CLIP1: variants seen among roughly 807,000 people sequenced by gnomAD.
CLIP1 encodes CAP-Gly domain containing linker protein 1, also known as CAP-Gly domain-containing linker protein 1.
A neutral mutation model predicts 161.6 loss-of-function variants in CLIP1; 66 were observed. The ratio of observed to expected loss-of-function variants is 0.41; its 90% CI spans 0.33 to 0.50. The LOEUF (loss-of-function observed/expected upper bound fraction) is 0.50. CLIP1 is among the 20% of genes least tolerant of loss of function. The probability of loss-of-function intolerance (pLI) is 0.27; values close to 1 mark genes in which losing one functional copy is unlikely to be tolerated. For synonymous variants in CLIP1, 598 were observed against 626.2 expected, an observed-to-expected ratio of 0.96 and a Z score of 0.67; for missense variants, 1,376 against 1,702.0, an observed-to-expected ratio of 0.81 and a Z score of 3.37.
At chr12:122,280,818 G>A (rs1955616576) in intron 21 of CLIP1, 1 of 152,266 alleles carries the variant, frequency 6.6e-6, no homozygotes, top group Admixed American at 6.5e-5. Context: ...AAGTTTCCTA[G>A]GCTAGGCCAC....
At chr12:122,405,756 A>G (rs535333274) in intron 1 of CLIP1, among the ~76,000 whole-genome samples, 12 of 145,366 alleles carry the variant, frequency 8.3e-5, no homozygotes, top group Admixed American at 2.8e-4. Flanking sequence ...CCACCACACT[A>G]TCTCAAAAAA....
chr12:122,393,242 C>T (rs1486468983), intron 1 of CLIP1, among the ~76,000 whole-genome samples: 1 of 151,458 alleles, frequency 6.6e-6, no homozygotes, highest in Admixed American at 6.6e-5. Flanking sequence ...CTTACTGCAA[C>T]CTCTGCCTCC....
At chr12:122,408,767 C>T (rs776324435) in intron 1 of CLIP1, among the ~76,000 whole-genome samples, 1 of 151,986 alleles carries the variant, frequency 6.6e-6, no homozygotes, top group Non-Finnish European at 1.5e-5. Flanking sequence ...TGTGCCCGGC[C>T]TATAACCACG....
chr12:122,338,121 T>C (rs1327000908), intron 11 of CLIP1, among the ~76,000 whole-genome samples: 1 of 149,496 alleles, frequency 6.7e-6, no homozygotes, highest in Admixed American at 6.7e-5. Context: ...AGATCTCAGC[T>C]GAGGTCAGGA....
At chr12:122,387,584 ATATATATTTTTTTT>A (rs1955374061) in intron 1 of CLIP1, among the ~76,000 whole-genome samples, 1 of 3,266 alleles carries the variant, frequency 3.1e-4, no homozygotes, top group East Asian at 0.013. Flanking sequence ...ATATATATAT[ATATATATTTTTTTT>A]TTTTTTTTTT....
At position 122,396,269 on chromosome 12, in the gene CLIP1, A is replaced by C. The variant is rs562205666; in HGVS notation, c.-106-15711T>G. On this transcript the variant is annotated intron_variant, in intron 1 of 25. Coordinates refer to ENST00000620786, the MANE Select transcript of CLIP1 (RefSeq NM_001247997.2). The stretch of plus-strand genomic sequence containing the variant: ...GGAGAAGTGGAGATTAAGATGTCTA[A>C]GTCATTTTGAAAATGCCAGAAGAAT... 4.6e-5 allele frequency among the ~76,000 whole-genome samples: 7 copies of C among 152,308 alleles called. No individual in the cohort carries two copies. The South Asian group carries it at 1.5e-3, about 32-fold the overall frequency.
chr12:122,298,154 A>C (rs1950545593), intron 20 of CLIP1, among the ~76,000 whole-genome samples: 1 of 152,140 alleles, frequency 6.6e-6, no homozygotes, highest in African/African-American at 2.4e-5. Context: ...TTCGGTAAGT[A>C]TCATCACACT....
intron 15 of CLIP1, among the ~76,000 whole-genome samples, chr12:122,329,207 A>G (rs1273504192): frequency 1.3e-5 from 2 of 152,126 alleles, no homozygotes; most frequent in African/African-American, 2.4e-5. Flanking sequence ...CATGCCTACA[A>G]TCCCAGCTAC....
intron 19 of CLIP1, among the ~76,000 whole-genome samples, chr12:122,315,790 G>A (rs61096099): frequency 0.1 from 15,434 of 151,424 alleles, 2,576 homozygotes; most frequent in African/African-American, 0.35. Flanking sequence ...ACAGGCGTCC[G>A]CCACCACGCC....
At position 122,273,010 on chromosome 12, in the gene CLIP1, A is replaced by G. The variant is rs763392755; in HGVS notation, c.4182T>C (p.Pro1394=). The change falls in exon 26 of 26, where the codon CCT becomes CCC. Residue 1394 remains proline, a synonymous_variant. Transcript: ENST00000620786. ...CFDLHDTEDC[P]TQAQMSEDPP... ...GGTCCTCTGACATCTGTGCCTGGGT[A>G]GGACAATCCTCTGTGTCGTGGAGAT... The G allele has an allele frequency of 8.7e-6, 14 of 1,614,230 alleles. No homozygotes were observed. In the South Asian group the frequency reaches 1.5e-4, roughly 18 times the overall value.
At chr12:122,416,211 T>A (rs1236937596) in intron 1 of CLIP1, among the ~76,000 whole-genome samples, 1 of 152,046 alleles carries the variant, frequency 6.6e-6, no homozygotes, top group South Asian at 2.1e-4. Flanking sequence ...CTCTCCAGCC[T>A]GGGTGATAGA....
At chr12:122,369,437 G>A (rs1954326539) in intron 3 of CLIP1, among the ~76,000 whole-genome samples, 1 of 151,742 alleles carries the variant, frequency 6.6e-6, no homozygotes, top group African/African-American at 2.4e-5. Flanking sequence ...ACCTCTGCTT[G>A]CCCTACTTTA....
rs1331245369 is a variant in CLIP1 at position 122,271,592 on chromosome 12, G to C, written c.*1283C>G. ...AATATTCACTGTCGAACACACAGTTGATAATCTTGAGGGGAAAATACATCA... is the reference window on the plus strand; with the variant it reads ...AATATTCACTGTCGAACACACAGTTCATAATCTTGAGGGGAAAATACATCA... On this transcript the variant is annotated 3_prime_UTR_variant, in exon 26 of 26. Coordinates refer to ENST00000620786, the MANE Select transcript of CLIP1 (RefSeq NM_001247997.2). 5 of 152,582 alleles carry C rather than the reference G, an allele frequency of 3.3e-5. No homozygotes were observed. The allele number at this position is 152,582 out of a possible 1,614,324, so 9.5% of individuals were successfully genotyped here. A position where few individuals can be genotyped will look rare whatever the true frequency, so the allele number is the denominator to read the frequency against.
intron 5 of CLIP1, among the ~76,000 whole-genome samples, chr12:122,359,447 T>C (rs1477299558): frequency 6.6e-6 from 1 of 152,118 alleles, no homozygotes; most frequent in African/African-American, 2.4e-5. Flanking sequence ...GAATAGACCC[T>C]CCCATGGAAT....
chr12:122,273,288 C>T (rs1955249021), intron 25 of CLIP1, among the ~76,000 whole-genome samples, 188 bp from the exon 26 acceptor site: 1 of 152,180 alleles, frequency 6.6e-6, no homozygotes, highest in Non-Finnish European at 1.5e-5. Flanking sequence ...CTCAGACTCT[C>T]ACCCAGGCTG....
At chr12:122,351,030 T>G in intron 9 of CLIP1, 81 bp downstream of exon 9, 5 of 1,052,174 alleles carry the variant, frequency 4.8e-6, no homozygotes, top group Non-Finnish European at 6.9e-6. Flanking sequence ...AGTTAGTGTT[T>G]GAGTATATCA....
At chr12:122,417,780 G>T (rs1030243290) in intron 1 of CLIP1, among the ~76,000 whole-genome samples, 3 of 152,076 alleles carry the variant, frequency 2.0e-5, no homozygotes, top group Non-Finnish European at 4.4e-5. Flanking sequence ...CCAAGGTGCT[G>T]GGATTACAGG....
intron 10 of CLIP1, 62 bp downstream of exon 10, chr12:122,347,313 C>A: frequency 1.6e-6 from 2 of 1,231,102 alleles, no homozygotes; most frequent in South Asian, 1.2e-5. Context: ...TAAAGCATGT[C>A]ACCTGAGGTG....
intron 20 of CLIP1, among the ~76,000 whole-genome samples, chr12:122,305,720 A>G (rs1593024256): frequency 6.6e-6 from 1 of 152,012 alleles, no homozygotes; most frequent in Admixed American, 6.5e-5. Context: ...AAGGCTGCCC[A>G]CCTTTCATCT....
Sources: gnomAD v4.1 joint callset for allele counts (sites outside exome capture counted in the v4.1 genomes callset) on GRCh38, gnomAD v4.1.1 for gene constraint, MANE v1.5 for transcripts, NCBI Gene and HGNC (gene_info 2026-07-23, HGNC 2026-07-21) for gene names.